Variants in WDR19 observed in about 807,000 individuals in gnomAD.
WDR19 encodes the protein WD repeat-containing protein 19.
In WDR19, 121 loss-of-function variants were observed where a neutral mutation model predicts 180.0. The ratio of observed to expected loss-of-function variants is 0.67; its 90% CI spans 0.58 to 0.78. WDR19 has a LOEUF of 0.78. Ranked by LOEUF, WDR19 falls within the 30% of genes least tolerant of loss-of-function variation. The pLI is 0.00. For missense variants in WDR19, 1,450 were observed against 1,640.7 expected (o/e 0.88, Z 2.01); for synonymous variants, 497 against 540.7 (o/e 0.92, Z 1.12).
Position 39,255,913 on chromosome 4 carries a change from T to G in WDR19, c.3067T>G (p.Tyr1023Asp). The G allele has an allele frequency of 6.2e-7, 1 of 1,608,902 alleles. No individual in the cohort carries two copies. Among genetic ancestry groups the G allele is most frequent in the Admixed American group, 1.7e-5 (1 of 59,366 alleles). The change falls in exon 27 of 37, where the codon TAT (tyrosine) becomes GAT (aspartate). Residue 1023 changes from tyrosine to aspartate, a missense_variant. Coordinates refer to ENST00000399820, the MANE Select transcript of WDR19 (RefSeq NM_025132.4). Reference sequence around the variant, plus strand: ...CTTATACTTTGAAGGAGAAAAGAGATATCTTCAGGCTGGAAAATTCTTCTT... The same window carrying G: ...CTTATACTTTGAAGGAGAAAAGAGAGATCTTCAGGCTGGAAAATTCTTCTT... ...IALYFEGEKR[Y>D]LQAGKFFLLC...
chr4:39,194,026 C>T (rs1489716952), intron 4 of WDR19, among the ~76,000 whole-genome samples: 2 of 152,182 alleles, frequency 1.3e-5, no homozygotes, highest in African/African-American at 4.8e-5. Context: ...CCTCATGAAT[C>T]GTAGAATGCA....
In WDR19 at chr4:39,244,240, G is replaced by A; in HGVS notation, c.2422-8G>A. 6.2e-7 allele frequency: 1 copy of A among 1,607,852 alleles called. No homozygotes were observed. The highest frequency in any genetic ancestry group is 1.1e-5 in the South Asian group (1 of 90,844). On this transcript the variant is annotated splice_polypyrimidine_tract_variant and splice_region_variant and intron_variant, in intron 21 of 36. Coordinates refer to ENST00000399820, the MANE Select transcript of WDR19 (RefSeq NM_025132.4). The stretch of plus-strand genomic sequence containing the variant: ...TCTGATTTGTTAGTGTTTGCCTTGT[G>A]ATTGCAGGAACATGATGAAGCTTGT...
intron 28 of WDR19, 55 bp from the exon 29 acceptor site, chr4:39,266,008 C>T: frequency 6.9e-7 from 1 of 1,442,988 alleles, no homozygotes. Context: ...TTTTTCTCCA[C>T]TCTTGCTCGG....
At chr4:39,213,683 CAT>C (rs934234830) in intron 9 of WDR19, among the ~76,000 whole-genome samples, 5 of 152,278 alleles carry the variant, frequency 3.3e-5, no homozygotes, top group Admixed American at 6.5e-5. Context: ...TCATGAATCT[CAT>C]GTGTGAGAAA....
intron 20 of WDR19, among the ~76,000 whole-genome samples, chr4:39,235,510 T>C (rs997890520): frequency 1.3e-5 from 2 of 152,192 alleles, no homozygotes; most frequent in Non-Finnish European, 2.9e-5. Flanking sequence ...TGTTCATGGT[T>C]CTGACCTCCT....
chr4:39,284,203 G>C (rs1439498656), intron 36 of WDR19, among the ~76,000 whole-genome samples: 2 of 151,504 alleles, frequency 1.3e-5, no homozygotes, highest in Non-Finnish European at 2.9e-5. Flanking sequence ...TAATATCTGT[G>C]TTTGACTACT....
In WDR19 at chr4:39,255,839, C is replaced by T. The variant is rs972590725; in HGVS notation, c.3002-9C>T. ...CTCAGATATTTTACTCAGTAAACTT[C>T]TGTTACAGGTTCTGAAGACACTACT... is the stretch of plus-strand genomic sequence containing the variant. On this transcript the variant is annotated splice_polypyrimidine_tract_variant and intron_variant, in intron 26 of 36. Transcript: ENST00000399820. 24 of 1,507,760 alleles carry T rather than the reference C, an allele frequency of 1.6e-5. No homozygotes were observed. The highest frequency in any genetic ancestry group is 2.1e-5 in the Non-Finnish European group (24 of 1,117,998). The allele number at this position is 1,507,760 out of a possible 1,614,324, so 93.4% of individuals were successfully genotyped here.
chr4:39,272,911 G>T, intron 31 of WDR19, 69 bp from the exon 32 acceptor site: 2 of 1,311,078 alleles, frequency 1.5e-6, no homozygotes, highest in Non-Finnish European at 2.1e-6. Flanking sequence ...TTGTTTATTT[G>T]GGGGAACAAA....
rs1319550647 is a variant in WDR19, at chr4:39,250,205, C to T, written c.2730-2941C>T. On this transcript the variant is annotated intron_variant, in intron 24 of 36. Coordinates refer to ENST00000399820, the MANE Select transcript of WDR19 (RefSeq NM_025132.4). The stretch of plus-strand genomic sequence containing the variant: ...TGGGATGCAAGGCTGGTTCAACATA[C>T]GAAAATCAATAAATGTAATCCAGCA... Among the ~76,000 whole-genome samples, 367 of 151,914 alleles carry T rather than the reference C, an allele frequency of 2.4e-3. 3 individuals are homozygous for T. The highest frequency in any genetic ancestry group is 8.5e-3 in the African/African-American group (351 of 41,412).
At chr4:39,253,379 A>G (rs1733436612) in intron 25 of WDR19, 87 bp downstream of exon 25, 3 of 1,382,196 alleles carry the variant, frequency 2.2e-6, no homozygotes, top group Non-Finnish European at 2.9e-6. Flanking sequence ...ATATTAATTC[A>G]AAAGGAATAT....
intron 31 of WDR19, 94 bp downstream of exon 31, chr4:39,270,194 T>C: frequency 1.3e-6 from 2 of 1,493,288 alleles, no homozygotes; most frequent in Non-Finnish European, 1.8e-6. Flanking sequence ...ATTCGAGTGA[T>C]TGTCTAGATG....
In WDR19 at chr4:39,228,659, C is replaced by G. The variant is rs2109358967; in HGVS notation, c.1951C>G (p.Pro651Ala). The G allele has an allele frequency of 6.2e-7, 1 of 1,605,408 alleles. No homozygotes were observed. Among genetic ancestry groups the G allele is most frequent in the Non-Finnish European group, 8.5e-7 (1 of 1,175,862 alleles). ...LKDTGPDELR[P>A]MLAQNLMLKR... ...AGATACGGGGCCTGACGAACTGAGA[C>G]CAATGCTGGCACAGAATTTAATGCT... Residue 651 changes from proline (P) to alanine (A), a missense_variant, in exon 17 of 37, where the codon CCA (proline) becomes GCA (alanine). Coordinates refer to ENST00000399820, the MANE Select transcript of WDR19 (RefSeq NM_025132.4).
At position 39,278,157 on chromosome 4, in the gene WDR19, G is replaced by T; in HGVS notation, c.3867G>T (p.Trp1289Cys). 1 of 1,607,090 alleles carries T rather than the reference G, an allele frequency of 6.2e-7. No homozygotes were observed. The highest frequency in any genetic ancestry group is 8.5e-7 in the Non-Finnish European group (1 of 1,176,768). ...ATGRHMLKDD[W>C]TVCPHCDFPA... ...GTCGACACATGTTGAAAGATGACTG[G>T]ACGGTGTGTCCACATTGTGACTTCC... Residue 1289 changes from tryptophan to cysteine, a missense_variant, in exon 35 of 37, where the codon TGG (tryptophan) becomes TGT (cysteine). Trp to Cys is a radical substitution (Grantham distance 215). Transcript: ENST00000399820.
intron 25 of WDR19, 38 bp downstream of exon 25, chr4:39,253,330 C>T (rs1390943664): frequency 6.3e-7 from 1 of 1,576,638 alleles, no homozygotes; most frequent in Non-Finnish European, 8.6e-7. Flanking sequence ...CTTTCAAAAA[C>T]TAACCATAAA....
At position 39,215,952 on chromosome 4, in the gene WDR19, G is replaced by A. The variant is rs1729024579; in HGVS notation, c.1073G>A (p.Ser358Asn). The change falls in exon 11 of 37, where the codon AGC becomes AAC. Residue 358 changes from serine to asparagine, a missense_variant. Ser to Asn is a conservative substitution (Grantham distance 46, BLOSUM62 1). Transcript: ENST00000399820. The stretch of plus-strand genomic sequence containing the variant: ...CTTCCCATACTTGGGGATGCCTGCA[G>A]CACAAGGATTGCCTATCTCACCTCC... ...TKLPILGDAC[S>N]TRIAYLTSLL... is the part of the protein sequence containing the mutation. The A allele has an allele frequency of 3.1e-6, 5 of 1,613,366 alleles. No homozygotes were observed. The highest frequency in any genetic ancestry group is 4.2e-6 in the Non-Finnish European group (5 of 1,179,616).
chr4:39,197,434 AAAAAAAAAAAAGAAAG>A (rs1302129390), intron 5 of WDR19, among the ~76,000 whole-genome samples: 3 of 151,692 alleles, frequency 2.0e-5, no homozygotes, highest in Non-Finnish European at 2.9e-5. Flanking sequence ...TCAAAAAAAA[AAAAAAAAAAAAGAAAG>A]AAAAAGAAAA....
At chr4:39,227,560 T>C (rs886661366) in intron 15 of WDR19, among the ~76,000 whole-genome samples, 2 of 152,194 alleles carry the variant, frequency 1.3e-5, no homozygotes, top group Non-Finnish European at 2.9e-5. Flanking sequence ...ATTTATATTG[T>C]ATTAGGTATT....
At chr4:39,189,105 G>A (rs1231816233) in intron 3 of WDR19, among the ~76,000 whole-genome samples, 2 of 151,892 alleles carry the variant, frequency 1.3e-5, no homozygotes, top group African/African-American at 4.8e-5. Context: ...GTATTTTTTA[G>A]TAGAGACGGG....
At chr4:39,275,992 C>T (rs1735853407) in intron 33 of WDR19, among the ~76,000 whole-genome samples, 1 of 152,142 alleles carries the variant, frequency 6.6e-6, no homozygotes, top group African/African-American at 2.4e-5. Flanking sequence ...GAAAAAGTAG[C>T]CCTTGCATTT....
Sources: allele counts gnomAD v4.1 joint callset (sites outside exome capture counted in the v4.1 genomes callset), GRCh38; gene constraint gnomAD v4.1.1; transcripts MANE v1.5; gene names NCBI Gene and HGNC (gene_info 2026-07-23, HGNC 2026-07-21).